Variants in ARHGEF18 observed in about 807,000 individuals in gnomAD.
The protein encoded by ARHGEF18 is Rho/Rac guanine nucleotide exchange factor 18, also known as rho guanine nucleotide exchange factor 18.
A neutral mutation model predicts 155.7 loss-of-function variants in ARHGEF18; 93 were observed. The ratio of observed to expected loss-of-function variants is 0.60; its 90% confidence interval spans 0.50 to 0.71. ARHGEF18 has a LOEUF of 0.71. Among genes scored for constraint, ARHGEF18 ranks in the 30% least tolerant of loss-of-function variants. The pLI is 0.00. For missense variants in ARHGEF18, 1,593 were observed against 1,816.1 expected (o/e 0.88, Z 2.23); for synonymous variants, 742 against 753.1 (o/e 0.99, Z 0.24).
At chr19:7,454,889 C>A (rs1384639343) in intron 17 of ARHGEF18, among the ~76,000 whole-genome samples, 1 of 152,072 alleles carries the variant, frequency 6.6e-6, no homozygotes, top group African/African-American at 2.4e-5. Flanking sequence ...ACTGAGAGGC[C>A]CCCATGTGGA....
intron 10 of ARHGEF18, among the ~76,000 whole-genome samples, chr19:7,411,235 G>C (rs1383947564): frequency 3.5e-5 from 5 of 144,406 alleles, no homozygotes; most frequent in African/African-American, 1.3e-4. Context: ...TTTTCTTCCT[G>C]TTCCTTTCCC....
At chr19:7,421,756 C>T (rs7343142) in intron 10 of ARHGEF18, among the ~76,000 whole-genome samples, 77,284 of 151,744 alleles carry the variant, frequency 0.51, 20,439 homozygotes, top group Middle Eastern at 0.72. Context: ...AGTGACACTC[C>T]GCCTCAAAAA....
intron 10 of ARHGEF18, among the ~76,000 whole-genome samples, chr19:7,439,480 C>T (rs1370796700): frequency 6.6e-6 from 1 of 151,998 alleles, no homozygotes; most frequent in African/African-American, 2.4e-5. Context: ...TAAAAAGTTG[C>T]ATCTTTCCAT....
intron 2 of ARHGEF18, among the ~76,000 whole-genome samples, chr19:7,363,275 G>C (rs776415471): frequency 5.3e-5 from 8 of 151,956 alleles, no homozygotes; most frequent in Non-Finnish European, 7.4e-5. Flanking sequence ...TGGATGAATG[G>C]ATGACGGATG....
In ARHGEF18 at chr19:7,385,221, T is replaced by A. The variant is rs142855058; in HGVS notation, c.967+2018T>A. Among the ~76,000 whole-genome samples, 246 of 152,320 alleles carry A rather than the reference T, an allele frequency of 1.6e-3. No individual in the cohort carries two copies. The Middle Eastern group carries it at 0.017, about 11-fold the overall frequency. The stretch of plus-strand genomic sequence containing the variant: ...CTGCACAGAGCAGGCGCTGGGAGCC[T>A]GCCCTCGGATACCCTTCCTTGAACA... On this transcript the variant is annotated intron_variant, in intron 10 of 28. Transcript: ENST00000668164.
At chr19:7,408,651 CTT>C (rs1007202392) in intron 10 of ARHGEF18, among the ~76,000 whole-genome samples, 11 of 152,372 alleles carry the variant, frequency 7.2e-5, no homozygotes, top group Non-Finnish European at 1.5e-4. Context: ...AGGGGCCCCT[CTT>C]TATCCTGCAG....
chr19:7,424,487 C>A (rs1600392143), intron 10 of ARHGEF18, among the ~76,000 whole-genome samples: 1 of 152,114 alleles, frequency 6.6e-6, no homozygotes, highest in Non-Finnish European at 1.5e-5. Context: ...ATTGGAATGC[C>A]TCGAATGTCT....
In ARHGEF18 at chr19:7,355,604, C is replaced by T. The variant is rs548087768; in HGVS notation, c.-111+6363C>T. 2.5e-4 allele frequency: 242 copies of T among 985,426 alleles called. 4 individuals carry two copies. The South Asian group carries it at 0.01, about 41-fold the overall frequency. The allele number at this position is 985,426 out of a possible 1,614,324, so 61.0% of individuals were successfully genotyped here. A position where few individuals can be genotyped will look rare whatever the true frequency, so the allele number is the denominator to read the frequency against. On this transcript the variant is annotated intron_variant, in intron 1 of 28. Transcript: ENST00000668164. ...ATTCCCAGGCCAGCTCACACTCAAG[C>T]TCTCACACGCACGCATGGCCCCCAT... is the stretch of plus-strand genomic sequence containing the variant.
In ARHGEF18 at chr19:7,407,785, AC is replaced by A. The variant is rs201367736; in HGVS notation, c.967+24586del. ...AGACCATCTTGACTAAAACGGTGAA[AC>A]CCCGTCTCTACTGAAAATACAAAAA... On this transcript the variant is annotated intron_variant, in intron 10 of 28. Transcript: ENST00000668164. Among the ~76,000 whole-genome samples the A allele has an allele frequency of 4.2e-3, 641 of 151,586 alleles. 38 individuals are homozygous for A. In the East Asian group the frequency reaches 0.11, roughly 25 times the overall value.
chr19:7,373,601 G>A (rs1970303803), intron 3 of ARHGEF18, among the ~76,000 whole-genome samples: 2 of 151,316 alleles, frequency 1.3e-5, no homozygotes, highest in East Asian at 2.0e-4. Flanking sequence ...TCAGCCTCCC[G>A]AGTAGCTGGG....
At chr19:7,355,629 T>C in intron 1 of ARHGEF18, 1 of 985,438 alleles carries the variant, frequency 1.0e-6, no homozygotes, top group Non-Finnish European at 1.2e-6. Flanking sequence ...ATGGCCCCCA[T>C]GGCTGACTCG....
At chr19:7,461,038 C>T (rs538780240) in intron 20 of ARHGEF18, among the ~76,000 whole-genome samples, 79 of 151,846 alleles carry the variant, frequency 5.2e-4, no homozygotes, top group African/African-American at 1.8e-3. Context: ...CTGCCTGCCT[C>T]GGCCTCCCAA....
intron 2 of ARHGEF18, among the ~76,000 whole-genome samples, chr19:7,366,427 T>C (rs1430425486): frequency 6.6e-6 from 1 of 152,228 alleles, no homozygotes; most frequent in East Asian, 1.9e-4. Context: ...GCCTGCAGAC[T>C]TCTGGATGTC....
chr19:7,429,274 C>T (rs2145716024), intron 10 of ARHGEF18, among the ~76,000 whole-genome samples: 1 of 152,308 alleles, frequency 6.6e-6, no homozygotes, highest in Non-Finnish European at 1.5e-5. Context: ...GCGATCTCAG[C>T]CTGGGCTAAG....
At position 7,442,717 on chromosome 19, in the gene ARHGEF18, C is replaced by T. The variant is rs571101157; in HGVS notation, c.1360+665C>T. 1.8e-4 allele frequency among the ~76,000 whole-genome samples: 27 copies of T among 152,318 alleles called. 1 individual carries two copies. The South Asian group carries it at 5.6e-3, about 32-fold the overall frequency. Reference sequence around the variant, plus strand: ...CTATATAGGCAGCTCTCATAGAACACCATACACAGGGTGGCTTAGAAGCCA... The same window carrying T: ...CTATATAGGCAGCTCTCATAGAACATCATACACAGGGTGGCTTAGAAGCCA... On this transcript the variant is annotated intron_variant, in intron 13 of 28. Transcript: ENST00000668164.
At chr19:7,465,959 C>G (rs911650366) in intron 23 of ARHGEF18, among the ~76,000 whole-genome samples, 1 of 151,950 alleles carries the variant, frequency 6.6e-6, no homozygotes, top group Non-Finnish European at 1.5e-5. Flanking sequence ...TGGTGGATAC[C>G]TGTAATCCCA....
chr19:7,467,741 T>G, intron 26 of ARHGEF18, 57 bp downstream of exon 26: 4 of 1,397,776 alleles, frequency 2.9e-6, no homozygotes, highest in Non-Finnish European at 3.7e-6. Flanking sequence ...GCACGTGCAT[T>G]TGCACGAGTG....
rs754452107 is a variant in ARHGEF18, at chr19:7,444,401, G to A, written c.1558G>A (p.Gly520Ser). The change falls in exon 14 of 29, where the codon GGC becomes AGC. Residue 520 changes from glycine to serine, a missense_variant. Gly to Ser is a moderately conservative substitution (Grantham distance 56). Transcript: ENST00000668164. This position sits in a 1 kb window ranked among gnomAD's most constrained non-coding sequence, Gnocchi z 4.7. ...GCGCCGCCAGGAGTCCCTGGAGGAG[G>A]GCAGTGACCGGAATTATGTCATCCA... The part of the protein sequence containing the change: ...KERRQESLEE[G>S]SDRNYVIQKI... The A allele has an allele frequency of 6.2e-7, 1 of 1,613,692 alleles. No individual in the cohort carries two copies.
Position 7,385,443 on chromosome 19 carries a change from C to CATTATTATT in ARHGEF18, c.967+2280_967+2288dup, listed in dbSNP as rs142755963. 3.9e-3 allele frequency among the ~76,000 whole-genome samples: 527 copies of CATTATTATT among 136,668 alleles called. 2 individuals are homozygous for CATTATTATT. Among genetic ancestry groups the CATTATTATT allele is most frequent in the Non-Finnish European group, 4.8e-3 (303 of 63,752 alleles). The allele number at this position is 136,668 out of a possible 152,430, so 89.7% of individuals were successfully genotyped here. ...GAGCGTCGCCGTCATCTGGGAACTTCATTATTATTATTATTATTATTATTA... is the reference window on the plus strand; with the variant it reads ...GAGCGTCGCCGTCATCTGGGAACTTCATTATTATTATTATTATTATTATTATTATTATTA... On this transcript the variant is annotated intron_variant, in intron 10 of 28. Coordinates refer to ENST00000668164, the MANE Select transcript of ARHGEF18 (RefSeq NM_001367823.1).
Sources: allele counts gnomAD v4.1 joint callset (sites outside exome capture counted in the v4.1 genomes callset), GRCh38; gene constraint gnomAD v4.1.1; non-coding constraint Gnocchi (gnomAD v3.1); transcripts MANE v1.5; gene names NCBI Gene and HGNC (gene_info 2026-07-23, HGNC 2026-07-21).